LFNG: variants seen among roughly 807,000 people sequenced by gnomAD.
LFNG encodes LFNG O-fucosylpeptide 3-beta-N-acetylglucosaminyltransferase.
A neutral mutation model predicts 32.7 loss-of-function variants in LFNG; 15 were observed. The ratio of observed to expected loss-of-function variants is 0.46; its 90% CI spans 0.31 to 0.71. The LOEUF is 0.71. LFNG is among the 30% of genes least tolerant of loss of function. The probability of loss-of-function intolerance (pLI) is 0.06; values close to 1 mark genes in which losing one functional copy is unlikely to be tolerated. For missense variants in LFNG, 520 were observed against 545.7 expected, an observed-to-expected ratio of 0.95 and a Z score of 0.47; for synonymous variants, 274 against 246.8, an observed-to-expected ratio of 1.11 and a Z score of -1.03.
rs1324341547 is a variant in LFNG, at chr7:2,520,845, G to C, written c.432+552G>C. On this transcript the variant is annotated intron_variant, in intron 1 of 7. Coordinates refer to ENST00000222725, the MANE Select transcript of LFNG (RefSeq NM_001040167.2). The surrounding 1 kb of genome is among the most constrained non-coding windows in gnomAD (Gnocchi z 5.0). ...ACTCCAGGTTTTGGGGTCTGTGTGGGGACCCTCCCCGCACAGTGCAGTAGT... is the reference window on the plus strand; with the variant it reads ...ACTCCAGGTTTTGGGGTCTGTGTGGCGACCCTCCCCGCACAGTGCAGTAGT... 6.6e-6 allele frequency among the ~76,000 whole-genome samples: 1 copy of C among 152,136 alleles called. No individual in the cohort carries two copies. The highest frequency in any genetic ancestry group is 1.5e-5 in the Non-Finnish European group (1 of 68,018).
upstream of LFNG, chr7:2,518,728 T>G: frequency 3.9e-6 from 5 of 1,279,032 alleles, no homozygotes; most frequent in South Asian, 5.9e-5. Context: ...AGACCCTGCT[T>G]AGGAGGGCAC....
intron 1 of LFNG, among the ~76,000 whole-genome samples, chr7:2,523,139 A>G (rs1475557155): frequency 6.6e-6 from 1 of 152,202 alleles, no homozygotes; most frequent in African/African-American, 2.4e-5. Flanking sequence ...TGATCTCATT[A>G]AGAAAGCATT....
intron 1 of LFNG, among the ~76,000 whole-genome samples, chr7:2,522,581 C>CCCCGTCCACCCTCATCCA: frequency 6.6e-6 from 1 of 152,224 alleles, no homozygotes; most frequent in African/African-American, 2.4e-5. Flanking sequence ...CGGCCCCCGC[C>CCCCGTCCACCCTCATCCA]CCCGTCCACC....
At chr7:2,525,084 G>A in intron 2 of LFNG, 135 bp from the exon 3 acceptor site, 2 of 802,324 alleles carry the variant, frequency 2.5e-6, no homozygotes, top group Non-Finnish European at 4.1e-6. Context: ...GCTAGGGTGG[G>A]GGAGGCTACG....
Position 2,524,841 on chromosome 7 carries a change from CA to C in LFNG, c.481+100del, listed in dbSNP as rs947219096. The C allele has an allele frequency of 3.4e-6, 4 of 1,167,832 alleles. No homozygotes were observed. The African/African-American group carries it at 4.6e-5, about 13-fold the overall frequency. 72.3% of individuals were successfully genotyped at this position (1,167,832 alleles called of 1,614,324 possible). A position where few individuals can be genotyped will look rare whatever the true frequency, so the allele number is the denominator to read the frequency against. On this transcript the variant is annotated intron_variant, in intron 2 of 7. Transcript: ENST00000222725. ...CTGCCCCTCTGGGCCGAGAGGTCAC[CA>C]AGGGCAGGACAGGGAGGGCAGTTTA...
exon 1 of LFNG, chr7:2,512,601 G>A (rs1326950084): frequency 6.4e-7 from 1 of 1,566,496 alleles, no homozygotes; most frequent in Non-Finnish European, 8.8e-7. Context: ...GCGGCTCCTG[G>A]CCACCCTCGC....
Position 2,527,389 on chromosome 7 carries a change from G to A in LFNG, c.*177G>A, listed in dbSNP as rs907898897. 6.4e-5 allele frequency: 95 copies of A among 1,486,996 alleles called. 1 individual carries two copies. Among genetic ancestry groups the A allele is most frequent in the Non-Finnish European group, 7.7e-5 (86 of 1,119,520 alleles). 92.1% of individuals were successfully genotyped at this position (1,486,996 alleles called of 1,614,324 possible). A position where few individuals can be genotyped will look rare whatever the true frequency, so the allele number is the denominator to read the frequency against. Reference sequence around the variant, plus strand: ...CACCCGGGTAGCAGGCTGCTGGGCAGTTCTGCTCTGTGGAGGGGCGGGCAC... The same window carrying A: ...CACCCGGGTAGCAGGCTGCTGGGCAATTCTGCTCTGTGGAGGGGCGGGCAC... On this transcript the variant is annotated 3_prime_UTR_variant, in exon 8 of 8. Coordinates refer to ENST00000222725, the MANE Select transcript of LFNG (RefSeq NM_001040167.2). The surrounding 1 kb of genome is among the most constrained non-coding windows in gnomAD (Gnocchi z 4.4).
chr7:2,527,177 G>A lies in LFNG; in HGVS notation c.1105G>A (p.Asp369Asn). 6.2e-7 allele frequency: 1 copy of A among 1,612,972 alleles called. No homozygotes were observed. The highest frequency in any genetic ancestry group is 8.5e-7 in the Non-Finnish European group (1 of 1,179,964). ...CTCCATCCACTGCCACCTGTACCCG[G>A]ACACACCCTGGTGTCCCCGCACTGC... ...FRSIHCHLYP[D>N]TPWCPRTAIF The change falls in exon 8 of 8, where the codon GAC (aspartate) becomes AAC (asparagine). Residue 369 changes from aspartate to asparagine, a missense_variant. By Grantham distance (23) the Asp-to-Asn change is conservative. Transcript: ENST00000222725. This position sits in a 1 kb window ranked among gnomAD's most constrained non-coding sequence, Gnocchi z 4.4.
upstream of LFNG, among the ~76,000 whole-genome samples, chr7:2,514,820 A>G (rs1184262571): frequency 1.5e-4 from 3 of 20,548 alleles, no homozygotes; most frequent in East Asian, 1.3e-3. Flanking sequence ...CTGTCTGTCC[A>G]TCCATCCATC....
rs528628943 is a variant in LFNG at position 2,522,534 on chromosome 7, G to A, written c.433-2161G>A. 7.2e-5 allele frequency among the ~76,000 whole-genome samples: 11 copies of A among 152,284 alleles called. No individual in the cohort carries two copies. The South Asian group carries it at 2.3e-3, about 32-fold the overall frequency. On this transcript the variant is annotated intron_variant, in intron 1 of 7. Transcript: ENST00000222725. ...GGCATCCTGTGTTTCTTTGAATCGC[G>A]GCTCCAGGAACAATGCTGCTTCCTG...
Position 2,520,365 on chromosome 7 carries a change from T to G in LFNG, c.432+72T>G. ...CACCATCTGGTCCAGCTGGTGGCAGTGTCCCATGGGAGTCAGGCTGCATCC... is the reference window on the plus strand; with the variant it reads ...CACCATCTGGTCCAGCTGGTGGCAGGGTCCCATGGGAGTCAGGCTGCATCC... On this transcript the variant is annotated intron_variant, in intron 1 of 7. Transcript: ENST00000222725. The surrounding 1 kb of genome is among the most constrained non-coding windows in gnomAD (Gnocchi z 5.0). 1 of 1,385,642 alleles carries G rather than the reference T, an allele frequency of 7.2e-7. No homozygotes were observed. The highest frequency in any genetic ancestry group is 1.0e-6 in the Non-Finnish European group (1 of 999,516). The allele number at this position is 1,385,642 out of a possible 1,614,324, so 85.8% of individuals were successfully genotyped here.
intron 2 of LFNG, among the ~76,000 whole-genome samples, 164 bp downstream of exon 2, chr7:2,524,907 C>G (rs547548474): frequency 6.2e-4 from 94 of 152,340 alleles, no homozygotes; most frequent in African/African-American, 2.2e-3. Flanking sequence ...ACCACTCGGG[C>G]CCCCCAATTC....
In LFNG at chr7:2,519,876, C is replaced by T; in HGVS notation, c.15C>T (p.Cys5=). The part of the protein sequence containing the change: MLKR[C]GRRLLLALAG... ...GCCACCCCACCATGCTCAAGCGCTG[C>T]GGCCGGCGCCTGCTGCTGGCGCTGG... Residue 5 remains cysteine (C), a synonymous_variant, in exon 1 of 8, where the codon TGC becomes TGT. Transcript: ENST00000222725. 2 of 1,102,748 alleles carry T rather than the reference C, an allele frequency of 1.8e-6. No homozygotes were observed. The highest frequency in any genetic ancestry group is 2.2e-6 in the Non-Finnish European group (2 of 902,014). 68.3% of individuals were successfully genotyped at this position (1,102,748 alleles called of 1,614,324 possible).
chr7:2,527,337 C>CGTGTGCGTGT lies in LFNG; in HGVS notation c.*130_*131insCGTGTGTGTG, dbSNP rs3074378. 1.3e-5 allele frequency: 19 copies of CGTGTGCGTGT among 1,451,790 alleles called. No homozygotes were observed. The Admixed American group carries it at 1.5e-4, about 11-fold the overall frequency. 89.9% of individuals were successfully genotyped at this position (1,451,790 alleles called of 1,614,324 possible). A position where few individuals can be genotyped will look rare whatever the true frequency, so the allele number is the denominator to read the frequency against. ...GGCCGTGCCTGTGCGTGTGCGTGTG[C>CGTGTGCGTGT]GTGTGTGTGTGTGTGTACTGCATGC... On this transcript the variant is annotated 3_prime_UTR_variant, in exon 8 of 8. Coordinates refer to ENST00000222725, the MANE Select transcript of LFNG (RefSeq NM_001040167.2). The surrounding 1 kb of genome is among the most constrained non-coding windows in gnomAD (Gnocchi z 4.4).
chr7:2,513,845 C>T (rs1779547648), upstream of LFNG, among the ~76,000 whole-genome samples: 1 of 152,246 alleles, frequency 6.6e-6, no homozygotes, highest in African/African-American at 2.4e-5. Flanking sequence ...TAGCCCCATC[C>T]AGCCCCATGG....
In LFNG at chr7:2,520,652, C is replaced by G. The variant is rs1317255725; in HGVS notation, c.432+359C>G. Among the ~76,000 whole-genome samples the G allele has an allele frequency of 6.6e-6, 1 of 152,238 alleles. No homozygotes were observed. Among genetic ancestry groups the G allele is most frequent in the African/African-American group, 2.4e-5 (1 of 41,458 alleles). On this transcript the variant is annotated intron_variant, in intron 1 of 7. Coordinates refer to ENST00000222725, the MANE Select transcript of LFNG (RefSeq NM_001040167.2). The surrounding 1 kb of genome is among the most constrained non-coding windows in gnomAD (Gnocchi z 5.0). ...GTCCTCAAACTTCCACAAGCAAATT[C>G]TGTTCGGACCCACCCTCAGCTCAGA...
In LFNG at chr7:2,526,187, G is replaced by C. The variant is rs558766504; in HGVS notation, c.822-57G>C. 1.3e-6 allele frequency: 2 copies of C among 1,598,406 alleles called. No individual in the cohort carries two copies. Among genetic ancestry groups the C allele is most frequent in the African/African-American group, 2.7e-5 (2 of 74,878 alleles). On this transcript the variant is annotated intron_variant, in intron 5 of 7. Coordinates refer to ENST00000222725, the MANE Select transcript of LFNG (RefSeq NM_001040167.2). This position sits in a 1 kb window ranked among gnomAD's most constrained non-coding sequence, Gnocchi z 6.9. ...GCCTTTGCCTGGTGGGGCCTCCCCAGCTCCCAGCAGATGGCTCCCGCCTCT... is the reference window on the plus strand; with the variant it reads ...GCCTTTGCCTGGTGGGGCCTCCCCACCTCCCAGCAGATGGCTCCCGCCTCT...
In LFNG at chr7:2,526,485, G is replaced by A. The variant is rs1779980113; in HGVS notation, c.987+76G>A. 6.6e-7 allele frequency: 1 copy of A among 1,515,586 alleles called. No homozygotes were observed. The allele number at this position is 1,515,586 out of a possible 1,614,324, so 93.9% of individuals were successfully genotyped here. A position where few individuals can be genotyped will look rare whatever the true frequency, so the allele number is the denominator to read the frequency against. Reference sequence around the variant, plus strand: ...GTGTGGCTGCCGAGAGGGGCGCAGTGGGGTGGGGCACTGTTCTAAACAGGG... The same window carrying A: ...GTGTGGCTGCCGAGAGGGGCGCAGTAGGGTGGGGCACTGTTCTAAACAGGG... On this transcript the variant is annotated intron_variant, in intron 6 of 7. Coordinates refer to ENST00000222725, the MANE Select transcript of LFNG (RefSeq NM_001040167.2). The surrounding 1 kb of genome is among the most constrained non-coding windows in gnomAD (Gnocchi z 6.9).
At chr7:2,517,577 G>A (rs947876000), upstream of LFNG, 9 of 417,298 alleles carry the variant, frequency 2.2e-5, no homozygotes, top group Non-Finnish European at 9.6e-6. Context: ...AGTTGCGGGG[G>A]TGGGGCGGCT....
Sources: gnomAD v4.1 joint callset for allele counts (sites outside exome capture counted in the v4.1 genomes callset) on GRCh38, gnomAD v4.1.1 for gene constraint, Gnocchi (gnomAD v3.1) non-coding constraint, MANE v1.5 for transcripts, NCBI Gene and HGNC (gene_info 2026-07-23, HGNC 2026-07-21) for gene names.